RBFOX1: variants seen among roughly 807,000 people sequenced by gnomAD.
RBFOX1 encodes RNA binding protein fox-1 homolog 1.
A neutral mutation model predicts 57.7 loss-of-function variants in RBFOX1; 8 were observed. That is an observed-to-expected ratio of 0.14 (90% CI 0.08 to 0.25). The LOEUF (loss-of-function observed/expected upper bound fraction) is 0.25, where lower values mean the gene tolerates loss of function less well. Ranked by LOEUF, RBFOX1 falls within the 10% of genes least tolerant of loss-of-function variation. The pLI, the probability that RBFOX1 is intolerant of heterozygous loss-of-function variation, is 1.00. For synonymous variants in RBFOX1, 326 were observed against 222.4 expected (o/e 1.47, Z -4.15); for missense variants, 611 against 548.5 (o/e 1.11, Z -1.14).
intron 2 of RBFOX1, among the ~76,000 whole-genome samples, chr16:6,475,759 T>G (rs12932935): frequency 0.21 from 32,382 of 152,160 alleles, 4,299 homozygotes; most frequent in Non-Finnish European, 0.29. Flanking sequence ...GAGCTTGCTT[T>G]GTGCTTTTCT....
chr16:6,491,018 A>G (rs977808739), intron 2 of RBFOX1, among the ~76,000 whole-genome samples: 26 of 152,112 alleles, frequency 1.7e-4, no homozygotes, highest in African/African-American at 5.8e-4. Flanking sequence ...AATAAATGAG[A>G]TGAACCCACA....
chr16:6,676,458 A>G (rs1385051789), intron 3 of RBFOX1, among the ~76,000 whole-genome samples: 1 of 152,050 alleles, frequency 6.6e-6, no homozygotes, highest in Admixed American at 6.6e-5. Flanking sequence ...CAACCAAGAG[A>G]GGAGGCAGAA....
intron 4 of RBFOX1, among the ~76,000 whole-genome samples, chr16:7,311,985 A>T (rs1264583752): frequency 6.6e-6 from 1 of 152,198 alleles, no homozygotes; most frequent in Admixed American, 6.5e-5. Flanking sequence ...GATTAGAACA[A>T]CCATTTCATA....
chr16:7,636,621 C>T (rs1483124785), intron 11 of RBFOX1, among the ~76,000 whole-genome samples: 1 of 152,290 alleles, frequency 6.6e-6, no homozygotes, highest in South Asian at 2.1e-4. Context: ...CTGTCAAGAG[C>T]AAGTTTTGTT....
intron 14 of RBFOX1, among the ~76,000 whole-genome samples, chr16:7,688,480 GT>G (rs1342230645): frequency 3.3e-5 from 5 of 151,990 alleles, no homozygotes; most frequent in African/African-American, 1.2e-4. Context: ...CGCACCAAAA[GT>G]TTTCTCTGAC....
intron 1 of RBFOX1, among the ~76,000 whole-genome samples, chr16:6,243,546 T>C (rs1286134002): frequency 6.6e-6 from 1 of 152,154 alleles, no homozygotes; most frequent in Non-Finnish European, 1.5e-5. Context: ...CAGTCAGTCC[T>C]CGTTCAGCAA....
intron 4 of RBFOX1, among the ~76,000 whole-genome samples, chr16:5,942,335 G>A (rs1287023110): frequency 6.6e-6 from 1 of 152,122 alleles, no homozygotes; most frequent in Non-Finnish European, 1.5e-5. Flanking sequence ...GTGGACAACG[G>A]TCCTCATATG....
intron 14 of RBFOX1, chr16:7,693,491 AG>A: frequency 1.4e-6 from 1 of 734,734 alleles, no homozygotes; most frequent in Non-Finnish European, 2.2e-6. Flanking sequence ...AAAAAAAAAA[AG>A]ATCTTATATC....
At chr16:7,242,721 A>G (rs1376095478) in intron 4 of RBFOX1, among the ~76,000 whole-genome samples, 1 of 152,160 alleles carries the variant, frequency 6.6e-6, no homozygotes, top group East Asian at 1.9e-4. Flanking sequence ...CAGGTTTCTG[A>G]TTGAGTGGCC....
intron 4 of RBFOX1, among the ~76,000 whole-genome samples, chr16:5,901,071 C>G (rs1179543559): frequency 1.3e-5 from 2 of 152,200 alleles, no homozygotes; most frequent in African/African-American, 4.8e-5. Context: ...ACCAGCCCTT[C>G]TTCACTCTGT....
intron 2 of RBFOX1, among the ~76,000 whole-genome samples, chr16:6,393,735 G>A (rs769874601): frequency 2.0e-5 from 3 of 152,092 alleles, no homozygotes; most frequent in Non-Finnish European, 4.4e-5. Context: ...TTAAGGAAAG[G>A]CAAGGCTGTG....
intron 3 of RBFOX1, among the ~76,000 whole-genome samples, chr16:5,781,183 T>C (rs1406684999): frequency 6.6e-6 from 1 of 152,198 alleles, no homozygotes; most frequent in Non-Finnish European, 1.5e-5. Flanking sequence ...AGATAGGTGC[T>C]TTTCTGATGC....
At chr16:6,090,372 G>T (rs9674404) in intron 1 of RBFOX1, among the ~76,000 whole-genome samples, 8,365 of 152,214 alleles carry the variant, frequency 0.055, 584 homozygotes, top group African/African-American at 0.17. Context: ...TCTTTAAGAG[G>T]CTGCTATTCT....
At chr16:6,605,408 TATC>T (rs1384611000) in intron 2 of RBFOX1, among the ~76,000 whole-genome samples, 1 of 151,118 alleles carries the variant, frequency 6.6e-6, no homozygotes, top group Non-Finnish European at 1.5e-5. Context: ...TTTATGATAT[TATC>T]AAGCACAGAC....
rs139352795 is a variant in RBFOX1, at chr16:6,947,769, T to C, written c.-15-104288T>C. Among the ~76,000 whole-genome samples, 783 of 152,274 alleles carry C rather than the reference T, an allele frequency of 5.1e-3. 8 individuals carry two copies. The highest frequency in any genetic ancestry group is 0.031 in the Middle Eastern group (9 of 294). Reference sequence around the variant, plus strand: ...TTTTTAGCTATTCATCTGATTACATTTTCTCTTGCTCTTTTTCATTTTTTG... The same window carrying C: ...TTTTTAGCTATTCATCTGATTACATCTTCTCTTGCTCTTTTTCATTTTTTG... On this transcript the variant is annotated intron_variant, in intron 3 of 15. Transcript: ENST00000550418.
chr16:7,113,337 T>C (rs903087407), intron 4 of RBFOX1, among the ~76,000 whole-genome samples: 1 of 152,150 alleles, frequency 6.6e-6, no homozygotes, highest in Non-Finnish European at 1.5e-5. Context: ...TTATACAATA[T>C]AATGAAAAAC....
intron 2 of RBFOX1, among the ~76,000 whole-genome samples, chr16:5,557,086 C>G (rs974081429): frequency 1.3e-5 from 2 of 151,830 alleles, no homozygotes; most frequent in Non-Finnish European, 2.9e-5. Context: ...AGTGAAACCC[C>G]ATCTCTACCA....
At chr16:6,832,543 G>T (rs1243909750) in intron 3 of RBFOX1, among the ~76,000 whole-genome samples, 1 of 152,178 alleles carries the variant, frequency 6.6e-6, no homozygotes, top group Non-Finnish European at 1.5e-5. Context: ...TGCTTAGTAT[G>T]AATGTCTTGG....
intron 4 of RBFOX1, among the ~76,000 whole-genome samples, chr16:7,434,371 C>G (rs1188759824): frequency 1.3e-5 from 2 of 152,076 alleles, no homozygotes; most frequent in African/African-American, 4.8e-5. Flanking sequence ...ACTCTGAAGG[C>G]TGAGGCAGGA....
Sources: gnomAD v4.1 joint callset for allele counts (sites outside exome capture counted in the v4.1 genomes callset) on GRCh38, gnomAD v4.1.1 for gene constraint, MANE v1.5 for transcripts, NCBI Gene and HGNC (gene_info 2026-07-23, HGNC 2026-07-21) for gene names.